TRHDE: variants seen among roughly 807,000 people sequenced by gnomAD.
The protein encoded by TRHDE is thyrotropin-releasing hormone-degrading ectoenzyme.
Under a neutral mutation model 125.7 loss-of-function variants are expected in TRHDE, and 72 were observed. The observed-to-expected ratio is 0.57, with a 90% CI of 0.47 to 0.70. TRHDE has a LOEUF of 0.70. TRHDE is among the 30% of genes least tolerant of loss of function. TRHDE has a pLI of 0.00. For synonymous variants in TRHDE, 509 were observed against 509.1 expected, an observed-to-expected ratio of 1.00 and a Z score of 0.00; for missense variants, 1,110 against 1,327.1, an observed-to-expected ratio of 0.84 and a Z score of 2.54.
At chr12:72,394,375 G>A (rs1872713908) in intron 3 of TRHDE, among the ~76,000 whole-genome samples, 1 of 152,138 alleles carries the variant, frequency 6.6e-6, no homozygotes, top group Admixed American at 6.6e-5. Flanking sequence ...TAAGAGATCA[G>A]TACAAGGAAG....
At chr12:72,312,704 G>A (rs557372590) in intron 2 of TRHDE, among the ~76,000 whole-genome samples, 1 of 152,114 alleles carries the variant, frequency 6.6e-6, no homozygotes, top group East Asian at 1.9e-4. Context: ...TTAATAAAAT[G>A]TTACAAAGGT....
intron 2 of TRHDE, among the ~76,000 whole-genome samples, chr12:72,262,147 TTC>T (rs1436239848): frequency 6.6e-6 from 1 of 152,160 alleles, no homozygotes; most frequent in Non-Finnish European, 1.5e-5. Context: ...CTACAATTCG[TTC>T]TCTTGTTTTA....
At chr12:72,334,714 G>GA (rs1432700902) in intron 2 of TRHDE, among the ~76,000 whole-genome samples, 1 of 152,172 alleles carries the variant, frequency 6.6e-6, no homozygotes, top group Non-Finnish European at 1.5e-5. Context: ...GCCTCCCAGG[G>GA]AAAACCCAGC....
intron 2 of TRHDE, among the ~76,000 whole-genome samples, chr12:72,355,364 C>A (rs77591848): frequency 0.016 from 2,498 of 151,594 alleles, 80 homozygotes; most frequent in African/African-American, 0.057. Context: ...ACCATGCATA[C>A]CTTGTAGGCT....
chr12:72,296,569 T>A (rs1413574598), intron 2 of TRHDE, among the ~76,000 whole-genome samples: 1 of 152,094 alleles, frequency 6.6e-6, no homozygotes, highest in Non-Finnish European at 1.5e-5. Flanking sequence ...AGGGCCTGAG[T>A]TGGCTCGGTG....
intron 12 of TRHDE, among the ~76,000 whole-genome samples, chr12:72,613,973 T>A (rs1872718367): frequency 6.6e-6 from 1 of 152,076 alleles, no homozygotes; most frequent in African/African-American, 2.4e-5. Flanking sequence ...AAACTTTTAC[T>A]CATGGTTGAA....
chr12:72,308,243 T>C (rs1242353213), intron 2 of TRHDE, among the ~76,000 whole-genome samples: 5 of 151,910 alleles, frequency 3.3e-5, no homozygotes, highest in Non-Finnish European at 5.9e-5. Context: ...TTCGTGTGCA[T>C]GTGTGTGAAT....
Position 72,286,890 on chromosome 12 carries a change from A to G in TRHDE, c.1124A>G (p.Tyr375Cys). ...HFSQTPLMST[Y>C]YLAWAICNFT... ...TCACAGACCCCTCTCATGTCCACAT[A>G]TTATTTAGCCTGGGCAATTTGCAAC... Residue 375 changes from tyrosine (Y) to cysteine (C), a missense_variant, in exon 2 of 19, where the codon TAT becomes TGT. By Grantham distance (194) the Tyr-to-Cys change is radical. Around this residue, in one of 5 missense-constraint regions of TRHDE, gnomAD observed 252 missense variants for 274.8 expected, o/e 0.92. Coordinates refer to ENST00000261180, the MANE Select transcript of TRHDE (RefSeq NM_013381.3). 1 of 1,613,982 alleles carries G rather than the reference A, an allele frequency of 6.2e-7. No individual in the cohort carries two copies. The highest frequency in any genetic ancestry group is 8.5e-7 in the Non-Finnish European group (1 of 1,179,974).
intron 3 of TRHDE, among the ~76,000 whole-genome samples, chr12:72,406,793 T>C (rs1371184314): frequency 6.6e-6 from 1 of 152,234 alleles, no homozygotes; most frequent in Non-Finnish European, 1.5e-5. Context: ...TGAAAATAGA[T>C]ACTAGCCTTC....
intron 12 of TRHDE, among the ~76,000 whole-genome samples, chr12:72,614,330 A>ATATATATATATAT (rs531067163): frequency 4.5e-3 from 586 of 129,824 alleles, no homozygotes; most frequent in East Asian, 8.5e-3. Context: ...ATATATATAT[A>ATATATATATATAT]TTTTTTTTTT....
intron 6 of TRHDE, among the ~76,000 whole-genome samples, chr12:72,507,043 C>G (rs979513512): frequency 6.6e-6 from 1 of 152,126 alleles, no homozygotes; most frequent in Non-Finnish European, 1.5e-5. Context: ...TCCTCTTGCT[C>G]AAGCCTTGTA....
rs1878456222 is a variant in TRHDE, at chr12:72,508,691, G to A, written c.1722+9056G>A. On this transcript the variant is annotated intron_variant, in intron 6 of 18. Coordinates refer to ENST00000261180, the MANE Select transcript of TRHDE (RefSeq NM_013381.3). ...ATGCTGGAATGAGTTAAGACTTTAGGGGACTGCTGGGAAAGCATGATTGTA... is the reference window on the plus strand; with the variant it reads ...ATGCTGGAATGAGTTAAGACTTTAGAGGACTGCTGGGAAAGCATGATTGTA... 2.0e-5 allele frequency among the ~76,000 whole-genome samples: 3 copies of A among 152,080 alleles called. No homozygotes were observed. The South Asian group carries it at 6.2e-4, about 32-fold the overall frequency.
At chr12:72,633,149 T>C (rs1271920219) in intron 15 of TRHDE, among the ~76,000 whole-genome samples, 2 of 152,002 alleles carry the variant, frequency 1.3e-5, no homozygotes, top group Admixed American at 1.3e-4. Context: ...CCTTTCAAAG[T>C]ACATTTACCT....
chr12:72,395,097 T>C (rs1163789246), intron 3 of TRHDE, among the ~76,000 whole-genome samples: 1 of 152,186 alleles, frequency 6.6e-6, no homozygotes, highest in African/African-American at 2.4e-5. Flanking sequence ...ATACAATATG[T>C]TGTTCTTACC....
At chr12:72,608,909 A>G (rs984565889) in intron 12 of TRHDE, among the ~76,000 whole-genome samples, 3 of 152,284 alleles carry the variant, frequency 2.0e-5, no homozygotes, top group Admixed American at 6.5e-5. Flanking sequence ...CTTATTTGCA[A>G]TATGAACCTG....
chr12:72,564,119 A>T (rs1968964), intron 9 of TRHDE, among the ~76,000 whole-genome samples: 1 of 151,824 alleles, frequency 6.6e-6, no homozygotes, highest in African/African-American at 2.4e-5. Context: ...AGTGTCTTCT[A>T]TCTCTCTCTC....
chr12:72,363,386 A>T (rs1294632887), intron 2 of TRHDE, among the ~76,000 whole-genome samples: 1 of 151,850 alleles, frequency 6.6e-6, no homozygotes, highest in Admixed American at 6.6e-5. Context: ...ATACTGGCAA[A>T]CCGAATCCAG....
intron 2 of TRHDE, among the ~76,000 whole-genome samples, chr12:72,351,586 A>G (rs951142120): frequency 1.3e-5 from 2 of 151,876 alleles, no homozygotes; most frequent in African/African-American, 4.8e-5. Flanking sequence ...CAGTATCTCT[A>G]GAGTCCCTGA....
intron 2 of TRHDE, among the ~76,000 whole-genome samples, chr12:72,145,598 A>C (rs1592457482): frequency 6.6e-6 from 1 of 152,356 alleles, no homozygotes; most frequent in South Asian, 2.1e-4. Flanking sequence ...AGGGCTTGAA[A>C]GTAAAATACC....
Sources: allele counts gnomAD v4.1 joint callset (sites outside exome capture counted in the v4.1 genomes callset), GRCh38; gene constraint gnomAD v4.1.1; regional missense constraint gnomAD v4.1.1; transcripts MANE v1.5; gene names NCBI Gene and HGNC (gene_info 2026-07-23, HGNC 2026-07-21).